SYT15B: variants seen among roughly 807,000 people sequenced by gnomAD.
SYT15B encodes synaptotagmin 15B, also known as synaptotagmin-15.
chr10:47,762,491 A>C, the SYT15B span: 1 of 251,318 alleles, frequency 4.0e-6, no homozygotes. Flanking sequence ...CTCAGCGTCT[A>C]CTCCATCCCA....
chr10:47,746,751 G>A, the SYT15B span, among the ~76,000 whole-genome samples: 2 of 126,950 alleles, frequency 1.6e-5, no homozygotes, highest in Admixed American at 8.3e-5. Context: ...TTAGAAATGA[G>A]TGCTTATTTA....
At chr10:47,761,039 G>A in the SYT15B span, 7 of 612,748 alleles carry the variant, frequency 1.1e-5, no homozygotes, top group East Asian at 1.7e-4. Flanking sequence ...AAGCCATCGG[G>A]AGCCAGGAGG....
the SYT15B span, among the ~76,000 whole-genome samples, chr10:47,750,354 CTTAT>C: frequency 7.5e-6 from 1 of 132,696 alleles, no homozygotes. Flanking sequence ...TATTTATTTA[CTTAT>C]TTTATTTTTT....
chr10:47,762,186 C>T, the SYT15B span, among the ~76,000 whole-genome samples: 1 of 151,446 alleles, frequency 6.6e-6, no homozygotes, highest in Non-Finnish European at 1.5e-5. Flanking sequence ...GGTGAGCACG[C>T]GCTTAGGGGA....
At chr10:47,747,380 C>T in the SYT15B span, among the ~76,000 whole-genome samples, 1 of 144,870 alleles carries the variant, frequency 6.9e-6, no homozygotes, top group African/African-American at 2.5e-5. Context: ...CAGGTTTTGG[C>T]AGTGTCATAT....
At chr10:47,747,257 C>T in the SYT15B span, among the ~76,000 whole-genome samples, 4 of 152,158 alleles carry the variant, frequency 2.6e-5, no homozygotes, top group Non-Finnish European at 4.4e-5. Flanking sequence ...GTTGTCAAGG[C>T]AGCTGGAACT....
At chr10:47,751,430 A>T in the SYT15B span, 1 of 68,960 alleles carries the variant, frequency 1.5e-5, no homozygotes, top group Non-Finnish European at 2.9e-5. Context: ...TAAATAAGGC[A>T]TAAAGATTAA....
the SYT15B span, among the ~76,000 whole-genome samples, chr10:47,748,401 C>A: frequency 6.6e-6 from 1 of 150,982 alleles, no homozygotes; most frequent in Non-Finnish European, 1.5e-5. Flanking sequence ...TTAGTGGAGA[C>A]GGGGTTTCAC....
At chr10:47,746,859 G>C in the SYT15B span, among the ~76,000 whole-genome samples, 12 of 101,836 alleles carry the variant, frequency 1.2e-4, no homozygotes, top group South Asian at 4.7e-3. Flanking sequence ...GGCTTCACCA[G>C]CTTTCCCAAG....
the SYT15B span, among the ~76,000 whole-genome samples, chr10:47,749,715 C>T: frequency 1.3e-5 from 2 of 150,014 alleles, no homozygotes; most frequent in Admixed American, 6.6e-5. Flanking sequence ...AAGAAAGCAA[C>T]AGAAAAGAAA....
chr10:47,747,205 C>T, the SYT15B span, among the ~76,000 whole-genome samples: 2 of 151,922 alleles, frequency 1.3e-5, no homozygotes, highest in Non-Finnish European at 2.9e-5. Flanking sequence ...GCAGCAAAGG[C>T]AGCAGAGTCT....
the SYT15B span, among the ~76,000 whole-genome samples, chr10:47,748,449 G>A: frequency 6.6e-6 from 1 of 151,984 alleles, no homozygotes; most frequent in African/African-American, 2.4e-5. Flanking sequence ...CTGACCTCAG[G>A]TGATCCACTG....
chr10:47,748,674 AG>A, the SYT15B span, among the ~76,000 whole-genome samples: 10 of 150,306 alleles, frequency 6.7e-5, no homozygotes, highest in South Asian at 2.2e-4. Flanking sequence ...TCTTTTGTAG[AG>A]GGGGGGGATC....
chr10:47,749,120 G>A, the SYT15B span, among the ~76,000 whole-genome samples: 17 of 82,446 alleles, frequency 2.1e-4, no homozygotes, highest in Admixed American at 4.6e-4. Context: ...CTGTAGTCCC[G>A]CTACTCGGGA....
At chr10:47,747,108 G>A in the SYT15B span, among the ~76,000 whole-genome samples, 1 of 146,022 alleles carries the variant, frequency 6.8e-6, no homozygotes, top group East Asian at 2.1e-4. Context: ...AGGCAAGCTG[G>A]CCCTCTGTGA....
At chr10:47,756,493 C>T in the SYT15B span, among the ~76,000 whole-genome samples, 1 of 142,186 alleles carries the variant, frequency 7.0e-6, no homozygotes, top group South Asian at 2.4e-4. Flanking sequence ...TTACCAGAGC[C>T]TAGCACCGCA....
the SYT15B span, among the ~76,000 whole-genome samples, chr10:47,762,306 T>G: frequency 1.3e-5 from 2 of 150,438 alleles, no homozygotes; most frequent in Non-Finnish European, 3.0e-5. Context: ...GCCCCGGGGG[T>G]GCTCAGACGC....
At chr10:47,762,378 C>G in the SYT15B span, among the ~76,000 whole-genome samples, 2 of 130,226 alleles carry the variant, frequency 1.5e-5, no homozygotes, top group African/African-American at 5.7e-5. Context: ...GGGTGACGTG[C>G]GGCCGCGGGG....
chr10:47,744,996 T>TCCTC, the SYT15B span, among the ~76,000 whole-genome samples: 1 of 151,898 alleles, frequency 6.6e-6, no homozygotes, highest in Non-Finnish European at 1.5e-5. Flanking sequence ...TCCTCTTGAT[T>TCCTC]CCTCCCCCAA....
Sources: allele counts gnomAD v4.1 joint callset (sites outside exome capture counted in the v4.1 genomes callset), GRCh38; gene constraint gnomAD v4.1.1; transcripts MANE v1.5; gene names NCBI Gene and HGNC (gene_info 2026-07-23, HGNC 2026-07-21).